OCM: variants seen among roughly 807,000 people sequenced by gnomAD.
The protein encoded by OCM is oncomodulin.
Under a neutral mutation model 14.1 loss-of-function variants are expected in OCM, and 18 were observed. The observed-to-expected ratio is 1.28, with a 90% CI of 0.88 to 1.89. The LOEUF (loss-of-function observed/expected upper bound fraction) is 1.89. OCM is among the 40% of genes most tolerant of loss of function. OCM has a pLI of 0.00. For synonymous variants in OCM, 48 were observed against 51.0 expected (o/e 0.94, Z 0.25); for missense variants, 140 against 137.6 (o/e 1.02, Z -0.09).
At chr7:5,876,340 A>G (rs1365424802), upstream of OCM, among the ~76,000 whole-genome samples, 2 of 151,876 alleles carry the variant, frequency 1.3e-5, no homozygotes, top group African/African-American at 4.8e-5. Context: ...TTGTAGAGAC[A>G]GGGCCTTGTC....
chr7:5,866,362 GA>G, the OCM span, among the ~76,000 whole-genome samples: 3 of 120,720 alleles, frequency 2.5e-5, no homozygotes, highest in African/African-American at 7.1e-5. Flanking sequence ...GGGAGGAAAG[GA>G]GGAAGGGAGG....
the OCM span, among the ~76,000 whole-genome samples, chr7:5,862,866 A>G: frequency 8.7e-4 from 133 of 152,146 alleles, no homozygotes; most frequent in African/African-American, 2.9e-3. Flanking sequence ...TACTGAGCTC[A>G]AGATGAATGC....
chr7:5,873,401 A>G, the OCM span, among the ~76,000 whole-genome samples: 1 of 152,104 alleles, frequency 6.6e-6, no homozygotes, highest in South Asian at 2.1e-4. Flanking sequence ...TTTTAATTTA[A>G]TTTAATTTAA....
chr7:5,885,633 T>G (rs1562531740), intron 3 of OCM, among the ~76,000 whole-genome samples: 1 of 150,428 alleles, frequency 6.6e-6, no homozygotes, highest in African/African-American at 2.4e-5. Flanking sequence ...TTTTTTGAGT[T>G]GGAGTCTGGC....
the OCM span, among the ~76,000 whole-genome samples, chr7:5,861,828 C>T: frequency 0.02 from 3,009 of 152,092 alleles, 108 homozygotes; most frequent in African/African-American, 0.069. Flanking sequence ...ATCCTACCGC[C>T]TCGGCCTCCC....
chr7:5,878,559 A>G (rs10279721), upstream of OCM, among the ~76,000 whole-genome samples: 106,535 of 150,796 alleles, frequency 0.71, 38,069 homozygotes, highest in African/African-American at 0.82. Context: ...ATCCTGGCTA[A>G]CACGGTGAAA....
the OCM span, among the ~76,000 whole-genome samples, chr7:5,867,151 TA>T: frequency 1.3e-5 from 2 of 152,040 alleles, no homozygotes; most frequent in East Asian, 1.9e-4. Flanking sequence ...TGCAGTTCTT[TA>T]AAAAAAATTC....
In OCM at chr7:5,883,958, C is replaced by T. The variant is rs1429140740; in HGVS notation, c.263C>T (p.Ala88Val). 1.9e-5 allele frequency: 30 copies of T among 1,613,324 alleles called. No homozygotes were observed. Among genetic ancestry groups the T allele is most frequent in the Non-Finnish European group, 2.4e-5 (28 of 1,179,694 alleles). The change falls in exon 3 of 4, where the codon GCT becomes GTT. Residue 88 changes from alanine to valine, a missense_variant. Physicochemically the swap from Ala to Val is moderately conservative, Grantham distance 64. Coordinates refer to ENST00000242104, the MANE Select transcript of OCM (RefSeq NM_001097622.2). ...GAGTCAGAAACCAAGTCCTTGATGG[C>T]TGCGGCGGATAATGATGGAGATGGG... The part of the protein sequence containing the change: ...LTESETKSLM[A>V]AADNDGDGKI...
chr7:5,878,148 A>G (rs1455305641), upstream of OCM, among the ~76,000 whole-genome samples: 1 of 151,236 alleles, frequency 6.6e-6, no homozygotes, highest in African/African-American at 2.4e-5. Flanking sequence ...TATTTTTAGT[A>G]GAGATGGGTT....
Position 5,882,521 on chromosome 7 carries a change from C to T in OCM, c.90C>T (p.Phe30=), listed in dbSNP as rs780399663. The part of the protein sequence containing the change: ...RDPDTFEPQK[F]FQTSGLSKMS... Reference sequence around the variant, plus strand: ...CAGACACTTTTGAACCCCAAAAATTCTTCCAGACATCAGGCCTCTCCAAGA... The same window carrying T: ...CAGACACTTTTGAACCCCAAAAATTTTTCCAGACATCAGGCCTCTCCAAGA... The change falls in exon 2 of 4, where the codon TTC becomes TTT. Residue 30 remains phenylalanine (F), a synonymous_variant. Coordinates refer to ENST00000242104, the MANE Select transcript of OCM (RefSeq NM_001097622.2). 2.4e-5 allele frequency: 38 copies of T among 1,614,062 alleles called. No homozygotes were observed. In the South Asian group the frequency reaches 3.6e-4, roughly 15 times the overall value.
chr7:5,861,286 T>G, the OCM span, among the ~76,000 whole-genome samples: 1 of 152,058 alleles, frequency 6.6e-6, no homozygotes, highest in African/African-American at 2.4e-5. Flanking sequence ...CCGGGCTTGG[T>G]GCTGCGTGCC....
At chr7:5,865,532 C>G in the OCM span, among the ~76,000 whole-genome samples, 2 of 151,998 alleles carry the variant, frequency 1.3e-5, no homozygotes, top group Non-Finnish European at 2.9e-5. Context: ...TTTATGGTGG[C>G]CATCCCATTC....
At chr7:5,884,129 C>T (rs1184103838) in intron 3 of OCM, 130 bp downstream of exon 3, 7 of 1,121,258 alleles carry the variant, frequency 6.2e-6, no homozygotes, top group Non-Finnish European at 8.8e-6. Context: ...TCAGTCTTCT[C>T]ATCTGTAAAA....
chr7:5,862,319 T>C, the OCM span, among the ~76,000 whole-genome samples: 1 of 152,174 alleles, frequency 6.6e-6, no homozygotes, highest in South Asian at 2.1e-4. Context: ...AACCCCATGT[T>C]CTAGCCTCAT....
chr7:5,861,508 C>G, the OCM span, among the ~76,000 whole-genome samples: 22 of 151,932 alleles, frequency 1.4e-4, no homozygotes, highest in Admixed American at 1.3e-3. Flanking sequence ...ACTGTGTTTT[C>G]CAAAGGAAAT....
chr7:5,860,497 ATATT>A, the OCM span, among the ~76,000 whole-genome samples: 3 of 121,514 alleles, frequency 2.5e-5, no homozygotes, highest in Non-Finnish European at 3.5e-5. Flanking sequence ...GTGTATATAT[ATATT>A]ACGTATATAT....
At chr7:5,878,606 G>A (rs550023959), upstream of OCM, among the ~76,000 whole-genome samples, 1 of 151,666 alleles carries the variant, frequency 6.6e-6, no homozygotes, top group Non-Finnish European at 1.5e-5. Flanking sequence ...AATTAGCCGG[G>A]TGTTGTGGCG....
At chr7:5,863,783 C>T in the OCM span, among the ~76,000 whole-genome samples, 1 of 152,036 alleles carries the variant, frequency 6.6e-6, no homozygotes, top group Non-Finnish European at 1.5e-5. Flanking sequence ...CTGCCTGACT[C>T]GGCGTCGCAA....
chr7:5,861,427 A>G, the OCM span, among the ~76,000 whole-genome samples: 1 of 152,116 alleles, frequency 6.6e-6, no homozygotes, highest in African/African-American at 2.4e-5. Context: ...GTCTTAAAAA[A>G]AAAAAAAGAA....
Sources: gnomAD v4.1 joint callset for allele counts (sites outside exome capture counted in the v4.1 genomes callset) on GRCh38, gnomAD v4.1.1 for gene constraint, MANE v1.5 for transcripts, NCBI Gene and HGNC (gene_info 2026-07-23, HGNC 2026-07-21) for gene names.